The following NRXN2 variants were observed in gnomAD, a reference collection of about 807,000 sequenced individuals.
The protein encoded by NRXN2 is neurexin 2.
In NRXN2, 29 loss-of-function variants were observed where a neutral mutation model predicts 128.8. The ratio of observed to expected loss-of-function variants is 0.23; its 90% CI spans 0.17 to 0.31. NRXN2 has a LOEUF of 0.31. Among genes scored for constraint, NRXN2 ranks in the 10% least tolerant of loss-of-function variants. NRXN2 has a pLI of 1.00. For missense variants in NRXN2, 1,881 were observed against 2,452.6 expected (o/e 0.77, Z 4.92); for synonymous variants, 1,098 against 1,075.2 (o/e 1.02, Z -0.41).
chr11:64,656,488 TG>T (rs1285339918), intron 11 of NRXN2, among the ~76,000 whole-genome samples: 5 of 150,988 alleles, frequency 3.3e-5, no homozygotes, highest in Admixed American at 2.0e-4. Context: ...ATCTTGGAGG[TG>T]GGAGGTAGAA....
intron 22 of NRXN2, among the ~76,000 whole-genome samples, chr11:64,617,114 C>T (rs146616731): frequency 2.0e-5 from 3 of 152,052 alleles, no homozygotes; most frequent in African/African-American, 7.2e-5. Flanking sequence ...CATGTGTGTG[C>T]CTCTGTTGGT....
In NRXN2 at chr11:64,626,470, G is replaced by A. The variant is rs1183830947; in HGVS notation, c.3840C>T (p.Leu1280=). The part of the protein sequence containing the change: ...RLGRVVDEWL[L]DKGRQLTIFN... ...TTAATTCTGGTTAATTACCTTTGTCGAGCAGCCACTCATCTACTACTCGAC... is the reference window on the plus strand; with the variant it reads ...TTAATTCTGGTTAATTACCTTTGTCAAGCAGCCACTCATCTACTACTCGAC... The change falls in exon 20 of 23, where the codon CTC becomes CTT. Residue 1280 remains leucine, a synonymous_variant. Coordinates refer to ENST00000265459, the MANE Select transcript of NRXN2 (RefSeq NM_015080.4). 1.2e-6 allele frequency: 2 copies of A among 1,609,406 alleles called. No individual in the cohort carries two copies. Among genetic ancestry groups the A allele is most frequent in the Non-Finnish European group, 1.7e-6 (2 of 1,175,844 alleles).
intron 11 of NRXN2, among the ~76,000 whole-genome samples, chr11:64,654,177 G>A (rs1353410448): frequency 1.3e-5 from 2 of 152,048 alleles, no homozygotes; most frequent in African/African-American, 4.8e-5. Flanking sequence ...CAGAGCCCAG[G>A]TGTGACTTGT....
At chr11:64,697,116 C>A (rs1266780508) in intron 3 of NRXN2, among the ~76,000 whole-genome samples, 1 of 152,038 alleles carries the variant, frequency 6.6e-6, no homozygotes, top group Non-Finnish European at 1.5e-5. Flanking sequence ...GAGAGGCACA[C>A]ACCCCACCCT....
intron 17 of NRXN2, among the ~76,000 whole-genome samples, chr11:64,647,692 C>T (rs1345659720): frequency 1.3e-5 from 2 of 152,214 alleles, no homozygotes; most frequent in African/African-American, 4.8e-5. Context: ...AGCTGTCCAG[C>T]AGCCTGGCCT....
At chr11:64,624,842 C>A (rs1346566906) in intron 20 of NRXN2, among the ~76,000 whole-genome samples, 1 of 152,166 alleles carries the variant, frequency 6.6e-6, no homozygotes, top group Admixed American at 6.5e-5. Flanking sequence ...ATTTATTGAG[C>A]ACCTACCATA....
intron 17 of NRXN2, among the ~76,000 whole-genome samples, chr11:64,639,199 C>T (rs1466740217): frequency 1.3e-5 from 2 of 152,130 alleles, no homozygotes; most frequent in South Asian, 2.1e-4. Flanking sequence ...CCCACACCAG[C>T]GCTTTGTACA....
At position 64,625,761 on chromosome 11, in the gene NRXN2, C is replaced by G. The variant is rs1457241543; in HGVS notation, c.3847+702G>C. On this transcript the variant is annotated intron_variant, in intron 20 of 22. Transcript: ENST00000265459. ...GACACCTCACCACACTGGGGCCTCA[C>G]AAGGGGCTTGCTTGGTCTTCCTCAT... 2.6e-5 allele frequency among the ~76,000 whole-genome samples: 4 copies of G among 152,296 alleles called. No individual in the cohort carries two copies. The East Asian group carries it at 7.7e-4, about 29-fold the overall frequency.
intron 7 of NRXN2, among the ~76,000 whole-genome samples, chr11:64,671,008 T>A (rs534022229): frequency 2.6e-4 from 40 of 152,264 alleles, no homozygotes; most frequent in African/African-American, 9.4e-4. Flanking sequence ...ACCCTCCCTT[T>A]GCACTCTCAG....
rs866799042 is a variant in NRXN2 at position 64,643,147 on chromosome 11, G to T, written c.3403+5072C>A. On this transcript the variant is annotated intron_variant, in intron 17 of 22. Coordinates refer to ENST00000265459, the MANE Select transcript of NRXN2 (RefSeq NM_015080.4). ...GGGGGCATGGTGCCGAGTGGAGAGG[G>T]AGGGGAGCGCGGGGGCCAAGCAGGG... The T allele has an allele frequency of 4.1e-6, 4 of 981,172 alleles. No individual in the cohort carries two copies. The African/African-American group carries it at 7.1e-5, about 17-fold the overall frequency. The allele number at this position is 981,172 out of a possible 1,614,324, so 60.8% of individuals were successfully genotyped here.
intron 22 of NRXN2, among the ~76,000 whole-genome samples, chr11:64,617,397 G>A (rs965035640): frequency 3.3e-5 from 5 of 152,194 alleles, no homozygotes; most frequent in Non-Finnish European, 5.9e-5. Context: ...TGTGGGTTGG[G>A]CCAGCTGAGA....
chr11:64,657,183 C>CCGGT (rs917802273), intron 11 of NRXN2, among the ~76,000 whole-genome samples: 2 of 152,226 alleles, frequency 1.3e-5, no homozygotes, highest in African/African-American at 4.8e-5. Flanking sequence ...GGTGTTGCTG[C>CCGGT]CGGTCTGTGA....
At position 64,713,624 on chromosome 11, in the gene NRXN2, C is replaced by A; in HGVS notation, c.76G>T (p.Ala26Ser). 1 of 1,258,392 alleles carries A rather than the reference C, an allele frequency of 7.9e-7. No homozygotes were observed. The highest frequency in any genetic ancestry group is 1.0e-6 in the Non-Finnish European group (1 of 998,012). 78.0% of individuals were successfully genotyped at this position (1,258,392 alleles called of 1,614,324 possible). A position where few individuals can be genotyped will look rare whatever the true frequency, so the allele number is the denominator to read the frequency against. ...LLLLLALAAR[A>S]DGLEFGGGPG... is the part of the protein sequence containing the mutation. ...CCGCCGCCGAACTCCAGGCCGTCCG[C>A]GCGCGCCGCCAGCGCCAGCAGCAGC... The change falls in exon 2 of 23, where the codon GCG (alanine) becomes TCG (serine). Residue 26 changes from alanine (A) to serine (S), a missense_variant. This residue lies in a region of NRXN2 where 997 missense variants were observed against 1,240.8 expected (regional missense o/e 0.80). Transcript: ENST00000265459.
chr11:64,709,825 C>G (rs2056716323), intron 2 of NRXN2, among the ~76,000 whole-genome samples: 1 of 151,772 alleles, frequency 6.6e-6, no homozygotes. Context: ...ACACACACAT[C>G]ACACACACTC....
intron 18 of NRXN2, among the ~76,000 whole-genome samples, chr11:64,633,222 C>A (rs1179674769): frequency 6.6e-6 from 1 of 152,248 alleles, no homozygotes; most frequent in Non-Finnish European, 1.5e-5. Flanking sequence ...GCATCCTGAT[C>A]CCCCTACCCT....
rs146035795 is a variant in NRXN2, at chr11:64,690,429, C to T, written c.826G>A (p.Gly276Ser). The T allele has an allele frequency of 1.2e-5, 19 of 1,613,270 alleles. No homozygotes were observed. Among genetic ancestry groups the T allele is most frequent in the East Asian group, 2.2e-5 (1 of 44,874 alleles). Residue 276 changes from glycine to serine, a missense_variant, in exon 5 of 23, where the codon GGC becomes AGC. Gly to Ser is a moderately conservative substitution (Grantham distance 56). This residue lies in a region of NRXN2 where 997 missense variants were observed against 1,240.8 expected (regional missense o/e 0.80). Coordinates refer to ENST00000265459, the MANE Select transcript of NRXN2 (RefSeq NM_015080.4). Reference protein sequence around the residue: ...SEGGAGRGGAGDVHQPTKGKE... With the variant: ...SEGGAGRGGASDVHQPTKGKE... ...CCTTTTGTTGGCTGGTGCACATCGC[C>T]GGCTCCTCCTCTCCCGGCCCCCCCC...
At chr11:64,710,674 T>A (rs2135665913) in intron 2 of NRXN2, among the ~76,000 whole-genome samples, 1 of 152,066 alleles carries the variant, frequency 6.6e-6, no homozygotes, top group South Asian at 2.1e-4. Flanking sequence ...AACCAGAGGA[T>A]CAAATTAAGG....
At chr11:64,685,195 G>A (rs2052844372) in intron 6 of NRXN2, among the ~76,000 whole-genome samples, 1 of 152,008 alleles carries the variant, frequency 6.6e-6, no homozygotes, top group Admixed American at 6.5e-5. Context: ...CCTAGTGTTG[G>A]GACACCCTCA....
chr11:64,646,903 T>G (rs1259278911), intron 17 of NRXN2, among the ~76,000 whole-genome samples: 1 of 151,412 alleles, frequency 6.6e-6, no homozygotes, highest in Non-Finnish European at 1.5e-5. Flanking sequence ...GGAGACAGAG[T>G]GGAGATGTGG....
Sources: allele counts gnomAD v4.1 joint callset (sites outside exome capture counted in the v4.1 genomes callset), GRCh38; gene constraint gnomAD v4.1.1; regional missense constraint gnomAD v4.1.1; transcripts MANE v1.5; gene names NCBI Gene and HGNC (gene_info 2026-07-23, HGNC 2026-07-21).